Variants in PCCB observed in about 807,000 individuals in gnomAD.
PCCB encodes the protein propionyl-CoA carboxylase beta chain, mitochondrial.
In PCCB, 43 loss-of-function variants were observed where a neutral mutation model predicts 60.7. That is an observed-to-expected ratio of 0.71 (90% CI 0.55 to 0.91). The LOEUF (loss-of-function observed/expected upper bound fraction) is 0.91, where lower values mean the gene tolerates loss of function less well. Ranked by LOEUF, PCCB falls within the 40% of genes least tolerant of loss-of-function variation. The pLI is 0.00. For missense variants in PCCB, 766 were observed against 702.8 expected (o/e 1.09, Z -1.02); for synonymous variants, 276 against 255.9 (o/e 1.08, Z -0.75).
chr3:136,268,751 A>C (rs1034625136), intron 5 of PCCB, among the ~76,000 whole-genome samples: 1 of 152,064 alleles, frequency 6.6e-6, no homozygotes, highest in African/African-American at 2.4e-5. Flanking sequence ...AGCGTGAGCC[A>C]CCGCACCCAG....
At chr3:136,290,671 GTTTTTTT>G (rs61191314) in intron 6 of PCCB, among the ~76,000 whole-genome samples, 9 of 60,050 alleles carry the variant, frequency 1.5e-4, no homozygotes, top group Non-Finnish European at 1.9e-4. Context: ...TCTCTGTGTA[GTTTTTTT>G]TTTTTTTTTT....
intron 10 of PCCB, chr3:136,326,343 C>T (rs1032300649): frequency 2.1e-5 from 15 of 702,664 alleles, no homozygotes; most frequent in Non-Finnish European, 2.9e-5. Context: ...TTCCTTTACT[C>T]CTTGGAACTA....
chr3:136,285,202 C>G (rs1033812497), intron 6 of PCCB, among the ~76,000 whole-genome samples: 5 of 152,102 alleles, frequency 3.3e-5, no homozygotes, highest in African/African-American at 1.2e-4. Context: ...CTGGTGCTAC[C>G]CCCATTCTCT....
At chr3:136,288,005 C>T (rs990014317) in intron 6 of PCCB, among the ~76,000 whole-genome samples, 2 of 152,226 alleles carry the variant, frequency 1.3e-5, no homozygotes, top group Admixed American at 1.3e-4. Context: ...TCACTTGTTT[C>T]ACATCCTTGC....
chr3:136,253,886 A>G (rs1941594364), intron 1 of PCCB, among the ~76,000 whole-genome samples: 1 of 151,638 alleles, frequency 6.6e-6, no homozygotes, highest in Admixed American at 6.6e-5. Flanking sequence ...GGGCTCAAGC[A>G]GTCCTCCCAC....
At position 136,326,831 on chromosome 3, in the gene PCCB, AG is replaced by A; in HGVS notation, c.1123del (p.Ala375LeufsTer68). The stretch of plus-strand genomic sequence containing the variant: ...GCTTGGATATTAATTCATCTGTGAA[AG>A]GGGCTCGTTTTGTCAGATTCTGTGA... ...GCLDINSSVKGARFVRFCDAF... is the reference protein window; with the variant it reads ...GCLDINSSVKXARFVRFCDAF... On this transcript the variant is annotated frameshift_variant, in exon 11 of 15. Transcript: ENST00000251654. LOFTEE classifies it high-confidence loss of function. The A allele has an allele frequency of 1.2e-6, 2 of 1,611,258 alleles. No homozygotes were observed. Among genetic ancestry groups the A allele is most frequent in the Non-Finnish European group, 1.7e-6 (2 of 1,177,380 alleles).
In PCCB at chr3:136,256,627, T is replaced by G; in HGVS notation, c.372+4T>G. On this transcript the variant is annotated splice_donor_region_variant and intron_variant, in intron 3 of 14. Transcript: ENST00000251654. ...ATTGGTTTATGTCTTCAGTCAGGTATTTCATAACTCCAATAGTCTGAACTT... is the reference window on the plus strand; with the variant it reads ...ATTGGTTTATGTCTTCAGTCAGGTAGTTCATAACTCCAATAGTCTGAACTT... 6.3e-7 allele frequency: 1 copy of G among 1,596,436 alleles called. No homozygotes were observed. The highest frequency in any genetic ancestry group is 8.6e-7 in the Non-Finnish European group (1 of 1,163,858).
chr3:136,264,370 G>A (rs1319430819), intron 5 of PCCB, among the ~76,000 whole-genome samples: 1 of 149,514 alleles, frequency 6.7e-6, no homozygotes, highest in Non-Finnish European at 1.5e-5. Context: ...GTGTGCTCTG[G>A]GCATGTGTGC....
Position 136,297,940 on chromosome 3 carries a change from C to T in PCCB, c.764-12C>T. On this transcript the variant is annotated splice_polypyrimidine_tract_variant and intron_variant, in intron 7 of 14. Transcript: ENST00000251654. ...ACCCTGACTCAATCATATATGCTCC[C>T]TGTTCTCTTAGGTGTGGCCCACAGA... The T allele has an allele frequency of 6.2e-7, 1 of 1,614,070 alleles. No individual in the cohort carries two copies. Among genetic ancestry groups the T allele is most frequent in the African/African-American group, 1.3e-5 (1 of 75,062 alleles).
intron 6 of PCCB, among the ~76,000 whole-genome samples, chr3:136,290,671 G>GTTTTTTTTGTTTTTTTTTTT: frequency 1.7e-5 from 1 of 60,046 alleles, no homozygotes; most frequent in Middle Eastern, 0.022. Context: ...TCTCTGTGTA[G>GTTTTTTTTGTTTTTTTTTTT]TTTTTTTTTT....
intron 10 of PCCB, among the ~76,000 whole-genome samples, chr3:136,319,833 C>T (rs1398815163): frequency 4.6e-5 from 7 of 152,092 alleles, no homozygotes; most frequent in African/African-American, 9.7e-5. Context: ...GAGAGTATTA[C>T]GGTTTTAGCC....
rs374520942 is a variant in PCCB, at chr3:136,256,519, G to A, written c.304-36G>A. On this transcript the variant is annotated intron_variant, in intron 2 of 14. Coordinates refer to ENST00000251654, the MANE Select transcript of PCCB (RefSeq NM_000532.5). ...CCAAACTCATTAGAAGAAGTATTTG[G>A]ATTTTTTAACCTTTATTTTTGCATT... The A allele has an allele frequency of 9.9e-6, 15 of 1,520,326 alleles. No homozygotes were observed. The African/African-American group carries it at 1.6e-4, about 17-fold the overall frequency. The allele number at this position is 1,520,326 out of a possible 1,614,324, so 94.2% of individuals were successfully genotyped here.
At chr3:136,296,888 A>G (rs1933964222) in intron 7 of PCCB, among the ~76,000 whole-genome samples, 1 of 152,230 alleles carries the variant, frequency 6.6e-6, no homozygotes, top group Non-Finnish European at 1.5e-5. Flanking sequence ...GCATTGTTTT[A>G]GGTGCTAGGA....
intron 3 of PCCB, among the ~76,000 whole-genome samples, chr3:136,258,683 C>T (rs1421560300): frequency 1.3e-5 from 2 of 152,144 alleles, no homozygotes; most frequent in African/African-American, 2.4e-5. Flanking sequence ...TTTTCAGCCT[C>T]ACCTTTTCCT....
Position 136,250,380 on chromosome 3 carries a change from CGGCGGCATTACGGGT to C in PCCB, c.12_26del (p.Leu5_Ala9del), listed in dbSNP as rs1553773148. 26 of 1,526,860 alleles carry C rather than the reference CGGCGGCATTACGGGT, an allele frequency of 1.7e-5. No homozygotes were observed. Among genetic ancestry groups the C allele is most frequent in the Non-Finnish European group, 2.3e-5 (26 of 1,132,968 alleles). The allele number at this position is 1,526,860 out of a possible 1,614,324, so 94.6% of individuals were successfully genotyped here. A position where few individuals can be genotyped will look rare whatever the true frequency, so the allele number is the denominator to read the frequency against. Reference sequence around the variant, plus strand: ...GGACGCGCCGGCACAGCAAAAATGGCGGCGGCATTACGGGTGGCGGCGGTCGGGGCAAGGCTCAGC... The same window carrying C: ...GGACGCGCCGGCACAGCAAAAATGGCGGCGGCGGTCGGGGCAAGGCTCAGC... On this transcript the variant is annotated inframe_deletion, in exon 1 of 15. Transcript: ENST00000251654.
Position 136,260,031 on chromosome 3 carries a change from T to C in PCCB, c.373-448T>C, listed in dbSNP as rs112798704. The stretch of plus-strand genomic sequence containing the variant: ...CCTCTCAAAGTCTTGGGATTACAGG[T>C]GCGAGCCACCATGCCCGGGCAACTT... On this transcript the variant is annotated intron_variant, in intron 3 of 14. Transcript: ENST00000251654. 2,050 of 258,596 alleles carry C rather than the reference T, an allele frequency of 7.9e-3. 35 individuals carry two copies. Among genetic ancestry groups the C allele is most frequent in the East Asian group, 0.045 (396 of 8,838 alleles). The allele number at this position is 258,596 out of a possible 1,614,324, so 16.0% of individuals were successfully genotyped here. A position where few individuals can be genotyped will look rare whatever the true frequency, so the allele number is the denominator to read the frequency against.
intron 8 of PCCB, among the ~76,000 whole-genome samples, chr3:136,300,233 T>G (rs977789993): frequency 2.1e-4 from 32 of 152,156 alleles, no homozygotes; most frequent in African/African-American, 7.7e-4. Context: ...GGGGCTACCC[T>G]TAGTTTTCTT....
intron 5 of PCCB, among the ~76,000 whole-genome samples, chr3:136,263,235 G>A (rs1941875578): frequency 6.8e-6 from 1 of 147,486 alleles, no homozygotes; most frequent in Non-Finnish European, 1.5e-5. Context: ...TTACAGGTGT[G>A]AGCCACCGCG....
chr3:136,303,566 G>A (rs1276226137), intron 9 of PCCB, among the ~76,000 whole-genome samples: 3 of 121,460 alleles, frequency 2.5e-5, no homozygotes, highest in African/African-American at 5.0e-5. Context: ...TCAGGTTTTG[G>A]TATCGATGTT....
Sources: allele counts gnomAD v4.1 joint callset (sites outside exome capture counted in the v4.1 genomes callset), GRCh38; gene constraint gnomAD v4.1.1; transcripts MANE v1.5; gene names NCBI Gene and HGNC (gene_info 2026-07-23, HGNC 2026-07-21).